Variants in RIC1 observed in about 807,000 individuals in gnomAD.
RIC1 encodes the protein guanine nucleotide exchange factor subunit RIC1.
In RIC1, 88 loss-of-function variants were observed where a neutral mutation model predicts 169.0. The observed-to-expected ratio is 0.52, with a 90% CI of 0.44 to 0.62. RIC1 has a LOEUF of 0.62. Among genes scored for constraint, RIC1 ranks in the 20% least tolerant of loss-of-function variants. The pLI is 0.00. For synonymous variants in RIC1, 790 were observed against 601.5 expected (o/e 1.31, Z -4.59); for missense variants, 1,877 against 1,725.5 (o/e 1.09, Z -1.56).
At chr9:5,718,625 C>T (rs867564569) in intron 4 of RIC1, among the ~76,000 whole-genome samples, 11 of 152,278 alleles carry the variant, frequency 7.2e-5, no homozygotes, top group Admixed American at 2.6e-4. Flanking sequence ...TTTTGAATTA[C>T]ATATTTTCAT....
chr9:5,772,160 C>G (rs1827267388), intron 23 of RIC1, among the ~76,000 whole-genome samples: 1 of 152,134 alleles, frequency 6.6e-6, no homozygotes, highest in Admixed American at 6.5e-5. Context: ...TTTTCCCTTC[C>G]TTGCAGTTTA....
chr9:5,694,807 T>G (rs867895985), intron 3 of RIC1, among the ~76,000 whole-genome samples: 26 of 151,448 alleles, frequency 1.7e-4, no homozygotes, highest in African/African-American at 5.3e-4. Flanking sequence ...TTTTTTTTTT[T>G]TGGTTCTATG....
intron 1 of RIC1, among the ~76,000 whole-genome samples, chr9:5,649,739 G>GTT (rs36042296): frequency 6.9e-6 from 1 of 144,192 alleles, no homozygotes; most frequent in Non-Finnish European, 1.5e-5. Context: ...ATAATTTCTT[G>GTT]TTTTTTTTTT....
intron 2 of RIC1, among the ~76,000 whole-genome samples, chr9:5,657,059 C>G (rs1819145010): frequency 6.6e-6 from 1 of 152,110 alleles, no homozygotes; most frequent in Admixed American, 6.5e-5. Context: ...AAACATAGCA[C>G]CTATATCCTT....
In RIC1 at chr9:5,639,144, C is replaced by G. The variant is rs138012724; in HGVS notation, c.144+9691C>G. On this transcript the variant is annotated intron_variant, in intron 1 of 25. Transcript: ENST00000414202. ...CTGTTCTCAAATTCCTGAGCTCAAGCAATCTGCCCACCTCGGCTCCCAAAG... is the reference window on the plus strand; with the variant it reads ...CTGTTCTCAAATTCCTGAGCTCAAGGAATCTGCCCACCTCGGCTCCCAAAG... Among the ~76,000 whole-genome samples, 662 of 152,248 alleles carry G rather than the reference C, an allele frequency of 4.3e-3. 3 individuals are homozygous for G. Among genetic ancestry groups the G allele is most frequent in the African/African-American group, 0.015 (604 of 41,544 alleles).
intron 21 of RIC1, among the ~76,000 whole-genome samples, chr9:5,767,646 G>A (rs1254816927): frequency 1.3e-5 from 2 of 152,160 alleles, no homozygotes; most frequent in African/African-American, 2.4e-5. Context: ...GGAGTGCAAT[G>A]GCTTGATCTC....
intron 7 of RIC1, among the ~76,000 whole-genome samples, chr9:5,734,396 GC>G (rs1202594285): frequency 3.9e-5 from 6 of 152,070 alleles, no homozygotes; most frequent in South Asian, 2.1e-4. Context: ...GAGCCACTGG[GC>G]CCGGCCCAGT....
intron 19 of RIC1, among the ~76,000 whole-genome samples, chr9:5,764,177 G>A (rs1204802692): frequency 6.6e-6 from 1 of 152,156 alleles, no homozygotes; most frequent in Non-Finnish European, 1.5e-5. Flanking sequence ...GAACATGGAA[G>A]AAATATTACA....
intron 3 of RIC1, among the ~76,000 whole-genome samples, chr9:5,704,409 A>T (rs188708903): frequency 6.6e-6 from 1 of 151,894 alleles, no homozygotes; most frequent in East Asian, 1.9e-4. Context: ...TTGGGATCTC[A>T]CTACATTGTT....
intron 23 of RIC1, among the ~76,000 whole-genome samples, chr9:5,771,308 T>C (rs1409078925): frequency 1.3e-5 from 2 of 152,196 alleles, no homozygotes; most frequent in Admixed American, 6.5e-5. Flanking sequence ...AAGGAAATCA[T>C]ATAGTGTTTG....
At chr9:5,676,803 T>C (rs1586926069) in intron 2 of RIC1, among the ~76,000 whole-genome samples, 1 of 152,250 alleles carries the variant, frequency 6.6e-6, no homozygotes, top group Non-Finnish European at 1.5e-5. Flanking sequence ...AGTCATACAC[T>C]GTATACTTAT....
intron 25 of RIC1, 101 bp downstream of exon 25, chr9:5,773,181 T>C (rs1264334878): frequency 2.2e-6 from 1 of 453,792 alleles, no homozygotes; most frequent in Non-Finnish European, 3.6e-6. Context: ...TTACATTTTA[T>C]TTATTTATTA....
chr9:5,765,968 C>A (rs1049473178), intron 21 of RIC1, among the ~76,000 whole-genome samples, 170 bp downstream of exon 21: 1 of 152,138 alleles, frequency 6.6e-6, no homozygotes, highest in African/African-American at 2.4e-5. Flanking sequence ...TTTCCTTCCT[C>A]CCAAGTTCAC....
intron 1 of RIC1, among the ~76,000 whole-genome samples, chr9:5,635,260 A>G (rs1318671179): frequency 6.6e-6 from 1 of 152,180 alleles, no homozygotes; most frequent in Admixed American, 6.5e-5. Flanking sequence ...GATTACAAGC[A>G]TGGGCCACCA....
intron 2 of RIC1, among the ~76,000 whole-genome samples, chr9:5,664,441 C>T (rs1051105599): frequency 6.6e-6 from 1 of 152,028 alleles, no homozygotes; most frequent in Non-Finnish European, 1.5e-5. Flanking sequence ...ATATTGGCCC[C>T]AATCTCTTCT....
chr9:5,754,534 G>T (rs1825892752), intron 14 of RIC1, among the ~76,000 whole-genome samples: 1 of 152,088 alleles, frequency 6.6e-6, no homozygotes, highest in African/African-American at 2.4e-5. Context: ...TCCAAGACCA[G>T]CCTGGCCAAC....
intron 19 of RIC1, 55 bp from the exon 20 acceptor site, chr9:5,765,359 T>C: frequency 6.4e-7 from 1 of 1,553,434 alleles, no homozygotes; most frequent in Non-Finnish European, 8.7e-7. Context: ...GAATTGCTCA[T>C]ATCTTCCCAA....
At chr9:5,768,480 A>C (rs1034268629) in intron 21 of RIC1, among the ~76,000 whole-genome samples, 1 of 152,168 alleles carries the variant, frequency 6.6e-6, no homozygotes, top group Non-Finnish European at 1.5e-5. Context: ...GTGAGCTATG[A>C]TCACACCACT....
intron 1 of RIC1, 90 bp downstream of exon 1, chr9:5,629,543 C>G: frequency 3.0e-6 from 4 of 1,353,586 alleles, no homozygotes; most frequent in South Asian, 1.5e-5. Context: ...GCCTAGGACT[C>G]CTGCCCCTTC....
Sources: allele counts gnomAD v4.1 joint callset (sites outside exome capture counted in the v4.1 genomes callset), GRCh38; gene constraint gnomAD v4.1.1; transcripts MANE v1.5; gene names NCBI Gene and HGNC (gene_info 2026-07-23, HGNC 2026-07-21).